The following FOXN3 variants were observed in gnomAD, a reference collection of about 807,000 sequenced individuals.
FOXN3 encodes forkhead box N3.
A neutral mutation model predicts 38.4 loss-of-function variants in FOXN3; 7 were observed. The observed-to-expected ratio is 0.18, with a 90% CI of 0.10 to 0.34. The LOEUF (loss-of-function observed/expected upper bound fraction) is 0.34, where lower values mean the gene tolerates loss of function less well. FOXN3 is among the 10% of genes least tolerant of loss of function. The pLI, the probability that FOXN3 is intolerant of heterozygous loss-of-function variation, is 1.00. For missense variants in FOXN3, 456 were observed against 613.4 expected (o/e 0.74, Z 2.71); for synonymous variants, 230 against 242.2 (o/e 0.95, Z 0.47).
intron 4 of FOXN3, among the ~76,000 whole-genome samples, chr14:89,228,991 C>T (rs1382754192): frequency 6.6e-6 from 1 of 152,110 alleles, no homozygotes; most frequent in Non-Finnish European, 1.5e-5. Flanking sequence ...TAAAAACGGG[C>T]TGTTTTGAGG....
intron 3 of FOXN3, among the ~76,000 whole-genome samples, chr14:89,293,388 C>T (rs1207657762): frequency 5.3e-5 from 8 of 152,202 alleles, no homozygotes; most frequent in Non-Finnish European, 1.2e-4. Flanking sequence ...CTCTCACAGT[C>T]CTGGAGGGCA....
At chr14:89,285,109 G>A (rs1448271133) in intron 3 of FOXN3, among the ~76,000 whole-genome samples, 1 of 152,098 alleles carries the variant, frequency 6.6e-6, no homozygotes, top group Admixed American at 6.5e-5. Context: ...GGAAGGTTCC[G>A]CCAAGACACA....
intron 5 of FOXN3, among the ~76,000 whole-genome samples, chr14:89,170,362 T>C (rs557102158): frequency 9.8e-5 from 15 of 152,312 alleles, no homozygotes; most frequent in African/African-American, 3.4e-4. Flanking sequence ...GACATAAACA[T>C]AGAACATGTG....
intron 2 of FOXN3, among the ~76,000 whole-genome samples, chr14:89,372,001 G>T (rs1890332650): frequency 6.6e-6 from 1 of 151,942 alleles, no homozygotes; most frequent in Non-Finnish European, 1.5e-5. Context: ...TCGCATCCCT[G>T]CCTACCACTG....
intron 4 of FOXN3, among the ~76,000 whole-genome samples, chr14:89,204,577 A>G (rs2139823359): frequency 6.6e-6 from 1 of 152,324 alleles, no homozygotes; most frequent in East Asian, 1.9e-4. Flanking sequence ...CTCACATATT[A>G]TCAGTTGAAA....
At chr14:89,532,371 A>G (rs1468435502) in intron 1 of FOXN3, among the ~76,000 whole-genome samples, 1 of 152,214 alleles carries the variant, frequency 6.6e-6, no homozygotes, top group East Asian at 1.9e-4. Flanking sequence ...TTAAATACAC[A>G]AACATAGAAG....
intron 2 of FOXN3, among the ~76,000 whole-genome samples, chr14:89,410,913 G>A (rs78212801): frequency 0.15 from 22,734 of 151,362 alleles, 1,770 homozygotes; most frequent in East Asian, 0.19. Context: ...AAAAAAGAAA[G>A]AAAAAGAAAG....
At chr14:89,591,524 A>G (rs1895950822) in intron 1 of FOXN3, among the ~76,000 whole-genome samples, 1 of 152,244 alleles carries the variant, frequency 6.6e-6, no homozygotes, top group African/African-American at 2.4e-5. Context: ...TCAGGCACAC[A>G]GTATCCAATA....
At chr14:89,256,404 T>C (rs1352093507) in intron 4 of FOXN3, among the ~76,000 whole-genome samples, 1 of 152,210 alleles carries the variant, frequency 6.6e-6, no homozygotes, top group Non-Finnish European at 1.5e-5. Flanking sequence ...CACAGATGTC[T>C]TTGAGGACCT....
chr14:89,593,409 C>T (rs904307731), intron 1 of FOXN3, among the ~76,000 whole-genome samples: 1 of 152,228 alleles, frequency 6.6e-6, no homozygotes, highest in Non-Finnish European at 1.5e-5. Flanking sequence ...AAGGCCAAGG[C>T]GGGTAGATCA....
intron 5 of FOXN3, among the ~76,000 whole-genome samples, chr14:89,165,539 T>C (rs1469484362): frequency 6.6e-6 from 1 of 152,230 alleles, no homozygotes; most frequent in Non-Finnish European, 1.5e-5. Flanking sequence ...CCTCCAGGGC[T>C]TGCCTGTGAA....
intron 4 of FOXN3, among the ~76,000 whole-genome samples, chr14:89,237,858 T>G (rs1885026112): frequency 6.6e-6 from 1 of 152,182 alleles, no homozygotes; most frequent in South Asian, 2.1e-4. Context: ...TGACATCACA[T>G]CTATCTATCT....
chr14:89,189,406 G>C (rs754131177), intron 4 of FOXN3, among the ~76,000 whole-genome samples: 1 of 152,192 alleles, frequency 6.6e-6, no homozygotes, highest in Non-Finnish European at 1.5e-5. Context: ...AGATAGGTGA[G>C]TGCCAGCCCC....
intron 1 of FOXN3, among the ~76,000 whole-genome samples, chr14:89,526,721 C>CT (rs1171944939): frequency 2.0e-5 from 3 of 152,014 alleles, no homozygotes; most frequent in Non-Finnish European, 2.9e-5. Context: ...TCCCAACAGG[C>CT]TTTTTTTCTA....
At chr14:89,413,580 C>A (rs1891601414) in intron 1 of FOXN3, among the ~76,000 whole-genome samples, 1 of 151,644 alleles carries the variant, frequency 6.6e-6, no homozygotes, top group Non-Finnish European at 1.5e-5. Flanking sequence ...CTGCAGTGAG[C>A]CATGACTGTA....
intron 1 of FOXN3, among the ~76,000 whole-genome samples, chr14:89,612,976 G>A (rs1194352487): frequency 3.3e-5 from 5 of 151,906 alleles, no homozygotes; most frequent in African/African-American, 1.2e-4. Flanking sequence ...AATTAGCCAG[G>A]CGTGGTGGCA....
rs1401135824 is a variant in FOXN3 at position 89,412,771 on chromosome 14, C to T, written c.-14-281G>A. 2.0e-5 allele frequency among the ~76,000 whole-genome samples: 3 copies of T among 152,328 alleles called. No homozygotes were observed. Among genetic ancestry groups the T allele is most frequent in the East Asian group, 3.9e-4 (2 of 5,192 alleles). On this transcript the variant is annotated intron_variant, in intron 1 of 5. Transcript: ENST00000557258. This position sits in a 1 kb window ranked among gnomAD's most constrained non-coding sequence, Gnocchi z 4.7. ...AACACCGGCCAGGCACGGTGGCTCA[C>T]GCCTGTAATCCCAGCACTTTGGGAG...
intron 1 of FOXN3, among the ~76,000 whole-genome samples, chr14:89,427,365 G>A (rs1268928121): frequency 7.3e-6 from 1 of 137,224 alleles, no homozygotes; most frequent in Admixed American, 7.3e-5. Context: ...GAGTGCAGTG[G>A]TGCGATCTTG....
At chr14:89,180,022 A>G (rs150950553) in intron 5 of FOXN3, among the ~76,000 whole-genome samples, 1 of 152,352 alleles carries the variant, frequency 6.6e-6, no homozygotes, top group African/African-American at 2.4e-5. Flanking sequence ...ATGGATGGGC[A>G]GGAGTGGGTG....
Sources: allele counts gnomAD v4.1 joint callset (sites outside exome capture counted in the v4.1 genomes callset), GRCh38; gene constraint gnomAD v4.1.1; non-coding constraint Gnocchi (gnomAD v3.1); transcripts MANE v1.5; gene names NCBI Gene and HGNC (gene_info 2026-07-23, HGNC 2026-07-21).